CLMP: variants seen among roughly 807,000 people sequenced by gnomAD.
The protein encoded by CLMP is CXADR like cell adhesion molecule.
Under a neutral mutation model 45.2 loss-of-function variants are expected in CLMP, and 27 were observed. That is an observed-to-expected ratio of 0.60 (90% confidence interval 0.44 to 0.82). CLMP has a LOEUF of 0.82. CLMP is among the 40% of genes least tolerant of loss of function. The probability of loss-of-function intolerance (pLI) is 0.00; values close to 1 mark genes in which losing one functional copy is unlikely to be tolerated. For synonymous variants in CLMP, 167 were observed against 171.4 expected (o/e 0.97, Z 0.20); for missense variants, 403 against 448.4 (o/e 0.90, Z 0.91).
chr11:123,119,845 C>G (rs1860788431), intron 1 of CLMP, among the ~76,000 whole-genome samples: 1 of 152,090 alleles, frequency 6.6e-6, no homozygotes, highest in Non-Finnish European at 1.5e-5. Context: ...CGCCACCAAG[C>G]CCAGCTAATT....
chr11:123,075,396 G>GTTT (rs1865726483), intron 5 of CLMP, among the ~76,000 whole-genome samples: 1 of 151,906 alleles, frequency 6.6e-6, no homozygotes, highest in Non-Finnish European at 1.5e-5. Flanking sequence ...TTGTTTGTTT[G>GTTT]TTTGTTTTGA....
chr11:123,160,071 G>C (rs1861464944), intron 1 of CLMP, among the ~76,000 whole-genome samples: 1 of 152,062 alleles, frequency 6.6e-6, no homozygotes, highest in Non-Finnish European at 1.5e-5. Flanking sequence ...CGGAGGTCAG[G>C]AGTTTGAGGC....
intron 1 of CLMP, among the ~76,000 whole-genome samples, chr11:123,100,508 G>A (rs1247248421): frequency 6.6e-6 from 1 of 152,082 alleles, no homozygotes; most frequent in Non-Finnish European, 1.5e-5. Flanking sequence ...GGGGAGGGTA[G>A]GCACTGAGTT....
chr11:123,114,935 C>G (rs1169856154), intron 1 of CLMP, among the ~76,000 whole-genome samples: 3 of 152,212 alleles, frequency 2.0e-5, no homozygotes, highest in Admixed American at 1.3e-4. Context: ...AGACCTATAC[C>G]CTGAACAGTA....
chr11:123,087,928 G>C (rs1026884955), intron 2 of CLMP, among the ~76,000 whole-genome samples: 1 of 145,266 alleles, frequency 6.9e-6, no homozygotes, highest in Non-Finnish European at 1.5e-5. Flanking sequence ...TTTTTTCTTT[G>C]AGACGGAGTT....
intron 2 of CLMP, among the ~76,000 whole-genome samples, chr11:123,087,263 G>A (rs1307151332): frequency 6.6e-6 from 1 of 152,118 alleles, no homozygotes; most frequent in Non-Finnish European, 1.5e-5. Flanking sequence ...CTTGAACCCG[G>A]GAGGCGGAGG....
intron 1 of CLMP, among the ~76,000 whole-genome samples, chr11:123,107,878 C>T (rs75881105): frequency 6.8e-4 from 104 of 152,084 alleles, no homozygotes; most frequent in African/African-American, 2.4e-3. Flanking sequence ...CAGTGCACAT[C>T]TCCTAAAAAT....
intron 1 of CLMP, among the ~76,000 whole-genome samples, chr11:123,126,607 A>T (rs1331610906): frequency 6.6e-6 from 1 of 152,100 alleles, no homozygotes; most frequent in Non-Finnish European, 1.5e-5. Flanking sequence ...TAATAAGAAA[A>T]CAGAACTAGG....
chr11:123,136,446 C>G (rs548685138), intron 1 of CLMP: 2 of 410,536 alleles, frequency 4.9e-6, no homozygotes, highest in Non-Finnish European at 4.4e-6. Context: ...TGTCCCCCCC[C>G]ACCCCACCCT....
intron 1 of CLMP, among the ~76,000 whole-genome samples, chr11:123,119,375 G>A (rs1860780643): frequency 1.3e-5 from 2 of 152,024 alleles, no homozygotes; most frequent in Admixed American, 1.3e-4. Flanking sequence ...TATTCACCAT[G>A]CCCGGCTGAT....
chr11:123,143,560 A>C (rs1265522568), intron 1 of CLMP, among the ~76,000 whole-genome samples: 2 of 152,166 alleles, frequency 1.3e-5, no homozygotes, highest in Non-Finnish European at 2.9e-5. Context: ...GTGGCCTCTG[A>C]TCAAAATCCA....
At chr11:123,083,500 G>A (rs1039801022) in intron 4 of CLMP, among the ~76,000 whole-genome samples, 180 bp downstream of exon 4, 3 of 152,088 alleles carry the variant, frequency 2.0e-5, no homozygotes, top group Admixed American at 6.5e-5. Context: ...ACTTTTACAT[G>A]TCATTTGAGG....
chr11:123,164,795 T>C (rs1861536317), intron 1 of CLMP, among the ~76,000 whole-genome samples: 1 of 152,144 alleles, frequency 6.6e-6, no homozygotes, highest in Admixed American at 6.5e-5. Flanking sequence ...ATAAAGTAAG[T>C]GCTCAAAACA....
chr11:123,147,880 A>T (rs1288244545), intron 1 of CLMP, among the ~76,000 whole-genome samples: 1 of 150,070 alleles, frequency 6.7e-6, no homozygotes, highest in Non-Finnish European at 1.5e-5. Flanking sequence ...TGGTGTGATC[A>T]TGGCTCACTG....
At chr11:123,095,981 C>G (rs1865983635) in intron 2 of CLMP, among the ~76,000 whole-genome samples, 1 of 152,126 alleles carries the variant, frequency 6.6e-6, no homozygotes, top group Non-Finnish European at 1.5e-5. Flanking sequence ...ATTTTTATTA[C>G]AGGAACATGG....
chr11:123,150,448 A>AAAGG (rs1861300592), intron 1 of CLMP, among the ~76,000 whole-genome samples: 1 of 87,718 alleles, frequency 1.1e-5, no homozygotes, highest in Non-Finnish European at 2.4e-5. Context: ...AGAAAGAAAG[A>AAAGG]AAGAAAGAAA....
chr11:123,148,426 C>T (rs926361142), intron 1 of CLMP, among the ~76,000 whole-genome samples: 4 of 152,196 alleles, frequency 2.6e-5, no homozygotes, highest in African/African-American at 9.7e-5. Flanking sequence ...AATGTACCTG[C>T]CTATGGCAAA....
At chr11:123,099,336 TTAGAAG>T (rs1866027765) in intron 1 of CLMP, among the ~76,000 whole-genome samples, 1 of 152,160 alleles carries the variant, frequency 6.6e-6, no homozygotes, top group Non-Finnish European at 1.5e-5. Flanking sequence ...TAGCATGTAT[TTAGAAG>T]GATGAAAAGA....
At chr11:123,078,487 C>T (rs892962392) in intron 5 of CLMP, among the ~76,000 whole-genome samples, 1 of 152,056 alleles carries the variant, frequency 6.6e-6, no homozygotes, top group African/African-American at 2.4e-5. Flanking sequence ...CACTCTGTTG[C>T]CCAGGCTGGA....
Sources: gnomAD v4.1 joint callset for allele counts (sites outside exome capture counted in the v4.1 genomes callset) on GRCh38, gnomAD v4.1.1 for gene constraint, MANE v1.5 for transcripts, NCBI Gene and HGNC (gene_info 2026-07-23, HGNC 2026-07-21) for gene names.